Variants in STIM1 observed in about 807,000 individuals in gnomAD.
STIM1 encodes stromal interaction molecule 1.
Under a neutral mutation model 74.7 loss-of-function variants are expected in STIM1, and 25 were observed. That is an observed-to-expected ratio of 0.33 (90% CI 0.24 to 0.47). The LOEUF is 0.47. Among genes scored for constraint, STIM1 ranks in the 20% least tolerant of loss-of-function variants. The pLI, the probability that STIM1 is intolerant of heterozygous loss-of-function variation, is 1.00. For missense variants in STIM1, 728 were observed against 920.8 expected, an observed-to-expected ratio of 0.79 and a Z score of 2.71; for synonymous variants, 328 against 348.8, an observed-to-expected ratio of 0.94 and a Z score of 0.66.
chr11:3,957,764 CTG>C (rs969382553), intron 1 of STIM1, among the ~76,000 whole-genome samples: 3 of 152,062 alleles, frequency 2.0e-5, no homozygotes, highest in Non-Finnish European at 4.4e-5. Context: ...TGAGATCTCA[CTG>C]TGTGGACCAG....
chr11:3,931,258 C>T (rs1268605744), intron 1 of STIM1, among the ~76,000 whole-genome samples: 1 of 152,144 alleles, frequency 6.6e-6, no homozygotes, highest in African/African-American at 2.4e-5. Flanking sequence ...TATGCAAAGG[C>T]TTACAGGCCA....
chr11:4,005,148 G>A (rs2093764552), intron 2 of STIM1, among the ~76,000 whole-genome samples: 1 of 152,174 alleles, frequency 6.6e-6, no homozygotes, highest in Non-Finnish European at 1.5e-5. Flanking sequence ...CTGTAAACTA[G>A]TTCAACCATT....
intron 2 of STIM1, among the ~76,000 whole-genome samples, chr11:3,971,268 G>T (rs1246016926): frequency 6.0e-5 from 9 of 150,856 alleles, no homozygotes; most frequent in Admixed American, 5.3e-4. Flanking sequence ...GGTGGCTCAC[G>T]CCTGTAATCC....
rs190221311 is a variant in STIM1, at chr11:4,044,842, G to C, written c.386-10684G>C. On this transcript the variant is annotated intron_variant, in intron 3 of 12. Transcript: ENST00000526596. Reference sequence around the variant, plus strand: ...GCAGTGTTTAGAGCAGTGGTTCTCAGCTGGGGGCAGTTTTTCCCTTCCATG... The same window carrying C: ...GCAGTGTTTAGAGCAGTGGTTCTCACCTGGGGGCAGTTTTTCCCTTCCATG... Among the ~76,000 whole-genome samples the C allele has an allele frequency of 3.5e-4, 54 of 152,276 alleles. No homozygotes were observed. In the East Asian group the frequency reaches 8.1e-3, roughly 23 times the overall value.
At chr11:3,861,810 T>A (rs975851462) in intron 1 of STIM1, among the ~76,000 whole-genome samples, 2 of 152,186 alleles carry the variant, frequency 1.3e-5, no homozygotes, top group Admixed American at 6.5e-5. Context: ...TATGGGGCCT[T>A]CGTGTTAAGA....
intron 3 of STIM1, among the ~76,000 whole-genome samples, chr11:4,052,144 A>G (rs2094247703): frequency 6.6e-6 from 1 of 152,222 alleles, no homozygotes; most frequent in Non-Finnish European, 1.5e-5. Flanking sequence ...ATGCTCATGG[A>G]TAGGAAAAAT....
chr11:3,903,297 T>A (rs1027619363), intron 1 of STIM1, among the ~76,000 whole-genome samples: 1 of 152,126 alleles, frequency 6.6e-6, no homozygotes, highest in African/African-American at 2.4e-5. Flanking sequence ...CAATGAGAAG[T>A]CATTATAGAT....
intron 1 of STIM1, among the ~76,000 whole-genome samples, chr11:3,951,756 T>G (rs1046301833): frequency 1.3e-5 from 2 of 152,148 alleles, no homozygotes; most frequent in African/African-American, 2.4e-5. Context: ...TCCAACACTT[T>G]CAGCAAACTT....
At chr11:4,040,199 T>C (rs1285321138) in intron 3 of STIM1, among the ~76,000 whole-genome samples, 1 of 152,242 alleles carries the variant, frequency 6.6e-6, no homozygotes, top group Non-Finnish European at 1.5e-5. Flanking sequence ...TAAACATTTC[T>C]GTGTTAAAAA....
At chr11:3,967,771 A>G in intron 2 of STIM1, 89 bp downstream of exon 2, 1 of 1,580,070 alleles carries the variant, frequency 6.3e-7, no homozygotes, top group Non-Finnish European at 8.7e-7. Context: ...CCCTGGGGAG[A>G]GATGTTCTCT....
rs201521624 is a variant in STIM1, at chr11:3,924,137, AT to A, written c.140-43404del. ...CTGGCCTATTTAGAACTTTAAAATTATTTTTTTTTTTCTGTAAGTCTGTAAG... is the reference window on the plus strand; with the variant it reads ...CTGGCCTATTTAGAACTTTAAAATTATTTTTTTTTTCTGTAAGTCTGTAAG... On this transcript the variant is annotated intron_variant, in intron 1 of 12. Coordinates refer to ENST00000526596, the MANE Select transcript of STIM1 (RefSeq NM_001382567.1). Among the ~76,000 whole-genome samples the A allele has an allele frequency of 1.4e-3, 188 of 138,676 alleles. 1 individual carries two copies. The highest frequency in any genetic ancestry group is 4.7e-3 in the African/African-American group (170 of 36,526). 91.0% of individuals were successfully genotyped at this position (138,676 alleles called of 152,430 possible). A position where few individuals can be genotyped will look rare whatever the true frequency, so the allele number is the denominator to read the frequency against.
At chr11:3,967,506 T>C (rs1198999719) in intron 1 of STIM1, 46 bp from the exon 2 acceptor site, 9 of 1,613,394 alleles carry the variant, frequency 5.6e-6, no homozygotes, top group South Asian at 1.1e-5. Flanking sequence ...TGATAGGTTC[T>C]GGGTGGCAGC....
chr11:3,976,632 CTA>C (rs1350085584), intron 2 of STIM1, among the ~76,000 whole-genome samples: 1 of 152,180 alleles, frequency 6.6e-6, no homozygotes, highest in African/African-American at 2.4e-5. Flanking sequence ...CTCTTTTCCT[CTA>C]TATATCCAGG....
intron 2 of STIM1, among the ~76,000 whole-genome samples, chr11:3,971,231 GA>G (rs771888539): frequency 0.012 from 1,324 of 113,526 alleles, 7 homozygotes; most frequent in African/African-American, 0.028. Context: ...AAACAAGTAT[GA>G]AAAAAAAAAA....
At chr11:3,991,359 C>T (rs546056879) in intron 2 of STIM1, among the ~76,000 whole-genome samples, 17 of 151,138 alleles carry the variant, frequency 1.1e-4, no homozygotes, top group African/African-American at 3.4e-4. Flanking sequence ...TTTGTAGATA[C>T]GGGGTTTTGC....
chr11:4,039,808 C>T (rs889408734), intron 3 of STIM1, among the ~76,000 whole-genome samples: 3 of 151,794 alleles, frequency 2.0e-5, no homozygotes, highest in South Asian at 4.2e-4. Flanking sequence ...CACTCTGTTG[C>T]CCAGGCTGGA....
chr11:3,883,111 A>G (rs953566265), intron 1 of STIM1, among the ~76,000 whole-genome samples: 4 of 151,860 alleles, frequency 2.6e-5, no homozygotes, highest in African/African-American at 9.7e-5. Context: ...TTCTTGACTT[A>G]AAAATCACCC....
intron 3 of STIM1, among the ~76,000 whole-genome samples, chr11:4,049,353 C>T: frequency 7.0e-6 from 1 of 142,710 alleles, no homozygotes. Context: ...GAGACAGGCT[C>T]TCACTCTGTT....
At chr11:3,883,566 T>A (rs2135337465) in intron 1 of STIM1, among the ~76,000 whole-genome samples, 1 of 152,356 alleles carries the variant, frequency 6.6e-6, no homozygotes, top group Middle Eastern at 3.4e-3. Context: ...TTGGTCAGGC[T>A]GGTCTCGAAC....
Sources: allele counts gnomAD v4.1 joint callset (sites outside exome capture counted in the v4.1 genomes callset), GRCh38; gene constraint gnomAD v4.1.1; transcripts MANE v1.5; gene names NCBI Gene and HGNC (gene_info 2026-07-23, HGNC 2026-07-21).